The following PARD3 variants were observed in gnomAD, a reference collection of about 807,000 sequenced individuals.
PARD3 encodes partitioning defective 3 homolog.
Under a neutral mutation model 155.4 loss-of-function variants are expected in PARD3, and 75 were observed. That is an observed-to-expected ratio of 0.48 (90% CI 0.40 to 0.58). The LOEUF (loss-of-function observed/expected upper bound fraction) is 0.58, where lower values mean the gene tolerates loss of function less well. Among genes scored for constraint, PARD3 ranks in the 20% least tolerant of loss-of-function variants. The pLI is 0.00. For missense variants in PARD3, 1,642 were observed against 1,721.7 expected (o/e 0.95, Z 0.82); for synonymous variants, 576 against 610.5 (o/e 0.94, Z 0.83).
intron 2 of PARD3, among the ~76,000 whole-genome samples, chr10:34,639,326 G>A (rs969883171): frequency 6.6e-6 from 1 of 151,786 alleles, no homozygotes; most frequent in African/African-American, 2.4e-5. Context: ...AACACAGGAG[G>A]CAAAGGTTGC....
intron 21 of PARD3, among the ~76,000 whole-genome samples, chr10:34,272,331 T>G (rs947040585): frequency 3.3e-5 from 5 of 152,054 alleles, no homozygotes; most frequent in African/African-American, 9.7e-5. Context: ...AATAAAAAAC[T>G]TTTCCTCTGT....
chr10:34,652,450 G>A (rs1387574876), intron 2 of PARD3, among the ~76,000 whole-genome samples: 3 of 152,184 alleles, frequency 2.0e-5, no homozygotes, highest in African/African-American at 7.2e-5. Context: ...CCAGAACCCA[G>A]AAAACAGGGA....
Position 34,401,932 on chromosome 10 carries a change from C to CA in PARD3, c.715-16dup. 1.6e-5 allele frequency: 25 copies of CA among 1,601,396 alleles called. No homozygotes were observed. Among genetic ancestry groups the CA allele is most frequent in the Non-Finnish European group, 2.1e-5 (25 of 1,168,562 alleles). On this transcript the variant is annotated splice_polypyrimidine_tract_variant and intron_variant, in intron 5 of 24. Transcript: ENST00000374788. ...CCATCCTCATCCTAGAGGCAGCCAA[C>CA]ACAAAGAAAAGTACACTCTGTGTTA... is the stretch of plus-strand genomic sequence containing the variant.
intron 1 of PARD3, among the ~76,000 whole-genome samples, chr10:34,804,367 T>C (rs1361910257): frequency 6.6e-6 from 1 of 152,214 alleles, no homozygotes; most frequent in Non-Finnish European, 1.5e-5. Context: ...AGAAGATTTT[T>C]TTTCCAGATC....
intron 2 of PARD3, among the ~76,000 whole-genome samples, chr10:34,645,886 C>A (rs1002169377): frequency 6.6e-6 from 1 of 152,106 alleles, no homozygotes; most frequent in African/African-American, 2.4e-5. Context: ...TTTTTAGATA[C>A]CATTTTACTA....
intron 22 of PARD3, among the ~76,000 whole-genome samples, chr10:34,208,264 A>G (rs2133381651): frequency 6.6e-6 from 1 of 152,386 alleles, no homozygotes; most frequent in Non-Finnish European, 1.5e-5. Context: ...ATTAAAGAAG[A>G]AGTATTTCAG....
intron 22 of PARD3, among the ~76,000 whole-genome samples, chr10:34,215,006 T>C (rs1951934893): frequency 6.6e-6 from 1 of 152,226 alleles, no homozygotes; most frequent in South Asian, 2.1e-4. Context: ...ATTTTGCTTA[T>C]TAGAGCCCTC....
chr10:34,612,788 T>C (rs1378743221), intron 2 of PARD3, among the ~76,000 whole-genome samples: 1 of 152,238 alleles, frequency 6.6e-6, no homozygotes, highest in Non-Finnish European at 1.5e-5. Context: ...ATGGATATCA[T>C]TATTCTCATT....
chr10:34,643,227 C>A (rs1003121239), intron 2 of PARD3, among the ~76,000 whole-genome samples: 17 of 152,228 alleles, frequency 1.1e-4, no homozygotes, highest in Non-Finnish European at 2.4e-4. Context: ...CACCTGGAGC[C>A]CCCTCGTCTT....
chr10:34,184,877 G>A (rs1224644163), intron 22 of PARD3, among the ~76,000 whole-genome samples: 1 of 152,138 alleles, frequency 6.6e-6, no homozygotes, highest in African/African-American at 2.4e-5. Context: ...CTTTTAGAAA[G>A]TTCACTGCAT....
At chr10:34,142,314 G>A (rs767329612) in intron 22 of PARD3, among the ~76,000 whole-genome samples, 1 of 152,100 alleles carries the variant, frequency 6.6e-6, no homozygotes, top group South Asian at 2.1e-4. Context: ...TGGCCAAGAT[G>A]GGAGCATCGC....
chr10:34,476,708 G>A (rs138552504), intron 3 of PARD3, among the ~76,000 whole-genome samples: 33 of 152,074 alleles, frequency 2.2e-4, no homozygotes, highest in African/African-American at 8.0e-4. Flanking sequence ...CTCATCCTGA[G>A]AGAATAATAA....
At chr10:34,731,391 C>A (rs1399632747) in intron 1 of PARD3, among the ~76,000 whole-genome samples, 1 of 152,162 alleles carries the variant, frequency 6.6e-6, no homozygotes, top group Non-Finnish European at 1.5e-5. Context: ...CTGACATGGA[C>A]AGCTATAAAA....
Position 34,384,820 on chromosome 10 carries a change from G to A in PARD3, c.891-566C>T, listed in dbSNP as rs1017325717. 3.3e-5 allele frequency among the ~76,000 whole-genome samples: 5 copies of A among 152,108 alleles called. 1 individual carries two copies. In the South Asian group the frequency reaches 1.0e-3, roughly 32 times the overall value. On this transcript the variant is annotated intron_variant, in intron 7 of 24. Coordinates refer to ENST00000374788, the MANE Select transcript of PARD3 (RefSeq NM_001184785.2). ...GTATTGTGAATTTCAAAACCTGTCAGGTCTCCCAAAAGTAAGTCATTTATT... is the reference window on the plus strand; with the variant it reads ...GTATTGTGAATTTCAAAACCTGTCAAGTCTCCCAAAAGTAAGTCATTTATT...
At chr10:34,273,069 A>G (rs1955703970) in intron 21 of PARD3, among the ~76,000 whole-genome samples, 1 of 152,228 alleles carries the variant, frequency 6.6e-6, no homozygotes, top group South Asian at 2.1e-4. Context: ...AGTATCTTTA[A>G]AAATTAAACA....
chr10:34,131,062 T>TA (rs887423667), intron 23 of PARD3, among the ~76,000 whole-genome samples: 6 of 151,994 alleles, frequency 3.9e-5, no homozygotes, highest in African/African-American at 1.2e-4. Context: ...CTCATCTCTT[T>TA]AAAAAAAAGA....
intron 2 of PARD3, among the ~76,000 whole-genome samples, chr10:34,647,369 G>A (rs1467631830): frequency 6.6e-6 from 1 of 152,142 alleles, no homozygotes; most frequent in African/African-American, 2.4e-5. Flanking sequence ...AAACAGGGAA[G>A]GTCACTTCAA....
chr10:34,550,185 G>C (rs991719405), intron 2 of PARD3, among the ~76,000 whole-genome samples: 16 of 152,188 alleles, frequency 1.1e-4, no homozygotes, highest in African/African-American at 3.6e-4. Context: ...CACCGTCCTT[G>C]CACGTCACCA....
intron 23 of PARD3, among the ~76,000 whole-genome samples, chr10:34,121,728 T>TA (rs1280096966): frequency 1.3e-5 from 2 of 152,220 alleles, no homozygotes. Context: ...TGGGCTTAGT[T>TA]AGTGAGCATA....
Sources: gnomAD v4.1 joint callset for allele counts (sites outside exome capture counted in the v4.1 genomes callset) on GRCh38, gnomAD v4.1.1 for gene constraint, MANE v1.5 for transcripts, NCBI Gene and HGNC (gene_info 2026-07-23, HGNC 2026-07-21) for gene names.